Variants in GNL2 observed in about 807,000 individuals in gnomAD.
GNL2 encodes G protein nucleolar 2, also known as nucleolar GTP-binding protein 2.
A neutral mutation model predicts 92.3 loss-of-function variants in GNL2; 51 were observed. The observed-to-expected ratio is 0.55, with a 90% CI of 0.44 to 0.70. The LOEUF is 0.70. Ranked by LOEUF, GNL2 falls within the 30% of genes least tolerant of loss-of-function variation. The pLI is 0.00. For missense variants in GNL2, 844 were observed against 895.6 expected, an observed-to-expected ratio of 0.94 and a Z score of 0.74; for synonymous variants, 283 against 300.6, an observed-to-expected ratio of 0.94 and a Z score of 0.61.
chr1:37,587,210 T>C, intron 5 of GNL2, 101 bp downstream of exon 5: 1 of 835,678 alleles, frequency 1.2e-6, no homozygotes, highest in Non-Finnish European at 1.8e-6. Context: ...GAGGTTGCAG[T>C]GGGCCAAGAT....
At chr1:37,589,594 C>T (rs1175262942) in intron 4 of GNL2, among the ~76,000 whole-genome samples, 12 of 152,294 alleles carry the variant, frequency 7.9e-5, no homozygotes, top group African/African-American at 2.2e-4. Context: ...CGTGAGCCAC[C>T]GCGCCCAGCC....
Position 37,569,042 on chromosome 1 carries a change from A to G in GNL2, c.1677T>C (p.Leu559=). 1 of 1,614,052 alleles carries G rather than the reference A, an allele frequency of 6.2e-7. No homozygotes were observed. Among genetic ancestry groups the G allele is most frequent in the Non-Finnish European group, 8.5e-7 (1 of 1,179,984 alleles). ...PVEVSDLEEE[L]ESFSDEEEEE... ...CCTCCTCTTCATCAGAAAAGCTCTCAAGCTCTTCCTCAAGATCTGACACCT... is the reference window on the plus strand; with the variant it reads ...CCTCCTCTTCATCAGAAAAGCTCTCGAGCTCTTCCTCAAGATCTGACACCT... Residue 559 remains leucine, a synonymous_variant, in exon 13 of 16, where the codon CTT becomes CTC. Transcript: ENST00000373062.
intron 12 of GNL2, 32 bp downstream of exon 12, chr1:37,574,311 G>T (rs1373966125): frequency 6.5e-6 from 9 of 1,392,514 alleles, no homozygotes; most frequent in Non-Finnish European, 9.2e-6. Flanking sequence ...CAGGACCCAT[G>T]CTCCCCAGAG....
intron 11 of GNL2, 51 bp downstream of exon 11, chr1:37,574,614 A>G: frequency 6.4e-7 from 1 of 1,573,782 alleles, no homozygotes; most frequent in African/African-American, 1.3e-5. Flanking sequence ...TATCATATAC[A>G]TACATGCTTG....
chr1:37,591,239 A>G (rs1643885672), intron 3 of GNL2, among the ~76,000 whole-genome samples: 1 of 152,180 alleles, frequency 6.6e-6, no homozygotes, highest in Non-Finnish European at 1.5e-5. Flanking sequence ...TGAAACACTG[A>G]AATTTGAGTC....
At chr1:37,584,751 T>G (rs1459302971) in intron 5 of GNL2, among the ~76,000 whole-genome samples, 1 of 151,992 alleles carries the variant, frequency 6.6e-6, no homozygotes, top group African/African-American at 2.4e-5. Context: ...TGCACAACAA[T>G]GTAAATGAAC....
intron 8 of GNL2, 39 bp from the exon 9 acceptor site, chr1:37,576,595 A>G (rs1301113691): frequency 6.3e-7 from 1 of 1,597,100 alleles, no homozygotes; most frequent in East Asian, 2.2e-5. Flanking sequence ...ACATGCAGTC[A>G]TATATATCCC....
chr1:37,579,673 G>A (rs7530630), intron 8 of GNL2, among the ~76,000 whole-genome samples: 31,281 of 151,774 alleles, frequency 0.21, 3,692 homozygotes, highest in East Asian at 0.32. Context: ...TGAGGCGGGC[G>A]GATCACGAGG....
chr1:37,586,409 C>T (rs1011761561), intron 5 of GNL2, among the ~76,000 whole-genome samples: 4 of 152,086 alleles, frequency 2.6e-5, no homozygotes, highest in African/African-American at 7.2e-5. Context: ...TGCAGCCAGC[C>T]GGTGACTGAT....
chr1:37,578,438 C>CA (rs776937906), intron 8 of GNL2, among the ~76,000 whole-genome samples: 8,523 of 100,618 alleles, frequency 0.085, 366 homozygotes, highest in Non-Finnish European at 0.12. Flanking sequence ...GACTCTGTCT[C>CA]AAAAAAAAAA....
At position 37,587,465 on chromosome 1, in the gene GNL2, T is replaced by C. The variant is rs138939574; in HGVS notation, c.415A>G (p.Ser139Gly). Residue 139 changes from serine to glycine, a missense_variant, in exon 5 of 16, where the codon AGT (serine) becomes GGT (glycine). Ser to Gly is a moderately conservative substitution (Grantham distance 56). Transcript: ENST00000373062. Reference protein sequence around the residue: ...NLKVHILDTESFETTFGPKSQ... With the variant: ...NLKVHILDTEGFETTFGPKSQ... ...TTAGGGCCAAATGTAGTTTCAAAAC[T>C]TTCAGTATCAAGAATGTGCACCTTC... is the stretch of plus-strand genomic sequence containing the variant. The C allele has an allele frequency of 2.4e-5, 39 of 1,612,478 alleles. No individual in the cohort carries two copies. The highest frequency in any genetic ancestry group is 3.3e-5 in the Non-Finnish European group (39 of 1,179,046).
At position 37,569,400 on chromosome 1, in the gene GNL2, G is replaced by A. The variant is rs185200533; in HGVS notation, c.1417-98C>T. 1,420 of 781,236 alleles carry A rather than the reference G, an allele frequency of 1.8e-3. 12 individuals carry two copies. Among genetic ancestry groups the A allele is most frequent in the South Asian group, 1.6e-3 (89 of 55,068 alleles). 48.4% of individuals were successfully genotyped at this position (781,236 alleles called of 1,614,324 possible). A position where few individuals can be genotyped will look rare whatever the true frequency, so the allele number is the denominator to read the frequency against. On this transcript the variant is annotated intron_variant, in intron 12 of 15. Transcript: ENST00000373062. The stretch of plus-strand genomic sequence containing the variant: ...TGCTCTTAAACAGTCCTCTTCTCAG[G>A]ACTAAGGGAAGGTATTGAAAACACC...
intron 4 of GNL2, among the ~76,000 whole-genome samples, chr1:37,589,449 T>G (rs1643874671): frequency 6.6e-6 from 1 of 152,114 alleles, no homozygotes; most frequent in Non-Finnish European, 1.5e-5. Context: ...GGACTACAGG[T>G]GCCCGCCACC....
At position 37,568,290 on chromosome 1, in the gene GNL2, C is replaced by G; in HGVS notation, c.1936G>C (p.Asp646His). 1 of 1,597,314 alleles carries G rather than the reference C, an allele frequency of 6.3e-7. No individual in the cohort carries two copies. Among genetic ancestry groups the G allele is most frequent in the East Asian group, 2.2e-5 (1 of 44,822 alleles). ...PEEQRKTLEE[D>H]VDDRAPSKKG... Reference sequence around the variant, plus strand: ...TTAACTTCACCTCTGTCATCTACATCTTCTTCCAGTGTTTTTCTTTGTTCT... The same window carrying G: ...TTAACTTCACCTCTGTCATCTACATGTTCTTCCAGTGTTTTTCTTTGTTCT... Residue 646 changes from aspartate to histidine, a missense_variant, in exon 14 of 16, where the codon GAT becomes CAT. Transcript: ENST00000373062.
At chr1:37,588,349 G>C (rs1351632821) in intron 4 of GNL2, among the ~76,000 whole-genome samples, 1 of 151,920 alleles carries the variant, frequency 6.6e-6, no homozygotes, top group African/African-American at 2.4e-5. Flanking sequence ...AAGCTGTGAG[G>C]ATGATGCAGC....
intron 1 of GNL2, among the ~76,000 whole-genome samples, chr1:37,594,623 C>T (rs531985789): frequency 1.3e-5 from 2 of 152,294 alleles, no homozygotes; most frequent in Non-Finnish European, 2.9e-5. Context: ...CTCACTACAA[C>T]CTCCACCTCC....
intron 13 of GNL2, 109 bp downstream of exon 13, chr1:37,568,742 G>T: frequency 1.2e-6 from 1 of 806,848 alleles, no homozygotes; most frequent in South Asian, 1.7e-5. Flanking sequence ...AAACCCAACC[G>T]AACAAACAAA....
rs1195789517 is a variant in GNL2 at position 37,569,178 on chromosome 1, C to T, written c.1541G>A (p.Ser514Asn). The change falls in exon 13 of 16, where the codon AGT becomes AAT. Residue 514 changes from serine (S) to asparagine (N), a missense_variant. Coordinates refer to ENST00000373062, the MANE Select transcript of GNL2 (RefSeq NM_013285.3). ...SIIKEETEEN[S>N]HCDANTEMQQ... ...CATCTCTGTGTTAGCATCACAGTGA[C>T]TGTTCTCTTCTGTTTCTTCCTTAAT... The T allele has an allele frequency of 2.7e-5, 43 of 1,614,000 alleles. No homozygotes were observed. The highest frequency in any genetic ancestry group is 3.5e-5 in the Non-Finnish European group (41 of 1,179,970).
intron 4 of GNL2, among the ~76,000 whole-genome samples, 174 bp from the exon 5 acceptor site, chr1:37,587,669 T>C (rs902300807): frequency 2.6e-4 from 40 of 152,238 alleles, no homozygotes; most frequent in Non-Finnish European, 4.4e-4. Context: ...CTTGTTGAAA[T>C]GGCACAAACA....
Sources: allele counts gnomAD v4.1 joint callset (sites outside exome capture counted in the v4.1 genomes callset), GRCh38; gene constraint gnomAD v4.1.1; transcripts MANE v1.5; gene names NCBI Gene and HGNC (gene_info 2026-07-23, HGNC 2026-07-21).